Variants in HSF5 observed in about 807,000 individuals in gnomAD.
HSF5 encodes the protein heat shock factor protein 5.
In HSF5, 5 loss-of-function variants were observed where a neutral mutation model predicts 50.8. The observed-to-expected ratio is 0.10, with a 90% CI of 0.05 to 0.21. The LOEUF (loss-of-function observed/expected upper bound fraction) is 0.21, where lower values mean the gene tolerates loss of function less well. HSF5 is among the 10% of genes least tolerant of loss of function. The pLI is 1.00. For missense variants in HSF5, 564 were observed against 762.6 expected, an observed-to-expected ratio of 0.74 and a Z score of 3.07; for synonymous variants, 307 against 307.4, an observed-to-expected ratio of 1.00 and a Z score of 0.02.
At chr17:58,424,708 C>T (rs1424684134) in intron 5 of HSF5, among the ~76,000 whole-genome samples, 1 of 151,580 alleles carries the variant, frequency 6.6e-6, no homozygotes, top group Non-Finnish European at 1.5e-5. Context: ...ATTGCTTGAG[C>T]CCAGGAATTC....
At chr17:58,450,240 G>A (rs147370160) in intron 5 of HSF5, among the ~76,000 whole-genome samples, 1 of 147,562 alleles carries the variant, frequency 6.8e-6, no homozygotes, top group African/African-American at 2.5e-5. Flanking sequence ...TTGGGAGGCT[G>A]AGGCACGAGA....
At chr17:58,482,314 T>C (rs1882993239) in intron 1 of HSF5, among the ~76,000 whole-genome samples, 1 of 152,092 alleles carries the variant, frequency 6.6e-6, no homozygotes, top group African/African-American at 2.4e-5. Flanking sequence ...AAAAATAAAA[T>C]AGACCCTGCG....
At chr17:58,471,750 C>A (rs2143794635) in intron 2 of HSF5, among the ~76,000 whole-genome samples, 1 of 150,728 alleles carries the variant, frequency 6.6e-6, no homozygotes, top group East Asian at 2.0e-4. Flanking sequence ...CATGCCTGGC[C>A]AGATATATAT....
intron 1 of HSF5, among the ~76,000 whole-genome samples, chr17:58,484,941 C>T (rs550520332): frequency 7.1e-6 from 1 of 141,336 alleles, no homozygotes; most frequent in Non-Finnish European, 1.5e-5. Flanking sequence ...CAAAAATAAC[C>T]CAGATTTTTT....
Position 58,421,384 on chromosome 17 carries a change from G to A in HSF5, c.*976C>T, listed in dbSNP as rs969387658. 1.3e-5 allele frequency: 2 copies of A among 152,548 alleles called. No individual in the cohort carries two copies. Among genetic ancestry groups the A allele is most frequent in the African/African-American group, 4.8e-5 (2 of 41,422 alleles). The allele number at this position is 152,548 out of a possible 1,614,324, so 9.4% of individuals were successfully genotyped here. A position where few individuals can be genotyped will look rare whatever the true frequency, so the allele number is the denominator to read the frequency against. On this transcript the variant is annotated 3_prime_UTR_variant, in exon 6 of 6. Transcript: ENST00000323777. ...TTTGCACACAATACCTTATATAGATGAGAATTTATACTTATTGAATGTAAA... is the reference window on the plus strand; with the variant it reads ...TTTGCACACAATACCTTATATAGATAAGAATTTATACTTATTGAATGTAAA...
intron 3 of HSF5, 82 bp from the exon 4 acceptor site, chr17:58,463,385 G>T: frequency 9.1e-7 from 1 of 1,100,260 alleles, no homozygotes; most frequent in South Asian, 1.5e-5. Context: ...TTAGGCTGAT[G>T]AGTGCTAAAC....
intron 2 of HSF5, among the ~76,000 whole-genome samples, chr17:58,468,137 C>G (rs768759733): frequency 6.6e-6 from 1 of 152,212 alleles, no homozygotes; most frequent in Non-Finnish European, 1.5e-5. Flanking sequence ...GTGGCTCACT[C>G]CTGTAGTCCC....
intron 3 of HSF5, among the ~76,000 whole-genome samples, chr17:58,464,467 T>C (rs1598195714): frequency 6.6e-6 from 1 of 152,188 alleles, no homozygotes; most frequent in South Asian, 2.1e-4. Flanking sequence ...AACAATACAA[T>C]GTACTGACTG....
intron 2 of HSF5, among the ~76,000 whole-genome samples, chr17:58,468,261 G>A (rs1287296973): frequency 6.6e-6 from 1 of 152,154 alleles, no homozygotes; most frequent in Non-Finnish European, 1.5e-5. Flanking sequence ...AGCCAGGCTT[G>A]GCGGCACATG....
At chr17:58,464,858 C>T (rs1974840069) in intron 3 of HSF5, among the ~76,000 whole-genome samples, 1 of 152,026 alleles carries the variant, frequency 6.6e-6, no homozygotes, top group Admixed American at 6.6e-5. Flanking sequence ...GTCTTAAACT[C>T]CTGACCTCAA....
At chr17:58,486,463 T>C (rs1304779251) in intron 1 of HSF5, among the ~76,000 whole-genome samples, 1 of 152,238 alleles carries the variant, frequency 6.6e-6, no homozygotes, top group African/African-American at 2.4e-5. Flanking sequence ...GTTTTTTCAA[T>C]ACTGAAAGAT....
intron 5 of HSF5, among the ~76,000 whole-genome samples, chr17:58,439,270 G>GAAAAAA (rs995663936): frequency 7.9e-6 from 1 of 126,244 alleles, no homozygotes. Context: ...AAAGCCAATG[G>GAAAAAA]AAAAAAAAAA....
At chr17:58,435,898 C>CAAAAAAAA (rs11458311) in intron 5 of HSF5, among the ~76,000 whole-genome samples, 1 of 60,286 alleles carries the variant, frequency 1.7e-5, no homozygotes. Context: ...GACTCCATCT[C>CAAAAAAAA]AAAAAAAAAA....
intron 5 of HSF5, among the ~76,000 whole-genome samples, chr17:58,444,919 G>A (rs1331110847): frequency 6.6e-6 from 1 of 151,944 alleles, no homozygotes; most frequent in Non-Finnish European, 1.5e-5. Context: ...TGAAAAATGG[G>A]CAAAAGACTT....
At chr17:58,424,703 T>C (rs1974271505) in intron 5 of HSF5, among the ~76,000 whole-genome samples, 1 of 151,338 alleles carries the variant, frequency 6.6e-6, no homozygotes, top group Admixed American at 6.6e-5. Flanking sequence ...GAAGGATTGC[T>C]TGAGCCCAGG....
chr17:58,470,824 G>C (rs1255476038), intron 2 of HSF5, among the ~76,000 whole-genome samples: 1 of 152,152 alleles, frequency 6.6e-6, no homozygotes, highest in East Asian at 1.9e-4. Flanking sequence ...TACTCGGAAG[G>C]CTGAGGCAGG....
chr17:58,486,821 C>T (rs1330010952), intron 1 of HSF5, among the ~76,000 whole-genome samples: 1 of 152,082 alleles, frequency 6.6e-6, no homozygotes, highest in East Asian at 1.9e-4. Context: ...AGGTGGCAGC[C>T]CTCTTCAAGG....
chr17:58,467,847 T>C (rs983964833), intron 2 of HSF5, among the ~76,000 whole-genome samples: 1 of 152,234 alleles, frequency 6.6e-6, no homozygotes, highest in African/African-American at 2.4e-5. Flanking sequence ...GTCTTAATAA[T>C]AGGTTGAGTC....
chr17:58,466,000 T>C (rs1198284523), intron 3 of HSF5, among the ~76,000 whole-genome samples: 1 of 152,178 alleles, frequency 6.6e-6, no homozygotes, highest in Non-Finnish European at 1.5e-5. Flanking sequence ...ACACAAACTT[T>C]GTTTCATGAA....
Sources: allele counts gnomAD v4.1 joint callset (sites outside exome capture counted in the v4.1 genomes callset), GRCh38; gene constraint gnomAD v4.1.1; transcripts MANE v1.5; gene names NCBI Gene and HGNC (gene_info 2026-07-23, HGNC 2026-07-21).